The following LNPEP variants were observed in gnomAD, a reference collection of about 807,000 sequenced individuals.
LNPEP encodes the protein leucyl-cystinyl aminopeptidase.
A neutral mutation model predicts 120.6 loss-of-function variants in LNPEP; 64 were observed. That is an observed-to-expected ratio of 0.53 (90% confidence interval 0.43 to 0.65). The LOEUF (loss-of-function observed/expected upper bound fraction) is 0.65, where lower values mean the gene tolerates loss of function less well. Ranked by LOEUF, LNPEP falls within the 30% of genes least tolerant of loss-of-function variation. The probability of loss-of-function intolerance (pLI) is 0.00; values close to 1 mark genes in which losing one functional copy is unlikely to be tolerated. For synonymous variants in LNPEP, 435 were observed against 425.4 expected (o/e 1.02, Z -0.28); for missense variants, 1,057 against 1,200.0 (o/e 0.88, Z 1.76).
intron 1 of LNPEP, among the ~76,000 whole-genome samples, chr5:96,961,722 AC>A (rs1789612591): frequency 6.6e-6 from 1 of 152,122 alleles, no homozygotes; most frequent in African/African-American, 2.4e-5. Context: ...CATCCCATTT[AC>A]TTTAAATTAT....
At chr5:96,941,152 A>C (rs1381580705) in intron 1 of LNPEP, among the ~76,000 whole-genome samples, 1 of 152,212 alleles carries the variant, frequency 6.6e-6, no homozygotes, top group Non-Finnish European at 1.5e-5. Context: ...AAAGGAGCAC[A>C]CAACCTAGAT....
intron 14 of LNPEP, among the ~76,000 whole-genome samples, chr5:97,023,101 T>TCTA (rs1430616502): frequency 6.6e-6 from 1 of 152,076 alleles, no homozygotes; most frequent in African/African-American, 2.4e-5. Context: ...TAACCACTAT[T>TCTA]CTACTTCCTG....
chr5:96,960,976 G>T (rs1789593025), intron 1 of LNPEP, among the ~76,000 whole-genome samples: 1 of 151,856 alleles, frequency 6.6e-6, no homozygotes, highest in African/African-American at 2.4e-5. Context: ...GTTCTCTAAT[G>T]ATTTTTGTTG....
intron 1 of LNPEP, among the ~76,000 whole-genome samples, chr5:96,945,282 C>T (rs1012390653): frequency 6.6e-6 from 1 of 151,478 alleles, no homozygotes; most frequent in Non-Finnish European, 1.5e-5. Flanking sequence ...TGATGGTATG[C>T]ACCTGTGGTC....
intron 1 of LNPEP, among the ~76,000 whole-genome samples, chr5:96,950,866 T>A (rs1450546784): frequency 6.6e-6 from 1 of 152,216 alleles, no homozygotes; most frequent in Non-Finnish European, 1.5e-5. Context: ...TTAGTATATT[T>A]ATAGAGTAAT....
At position 96,951,265 on chromosome 5, in the gene LNPEP, C is replaced by T. The variant is rs11135485; in HGVS notation, c.19+15091C>T. ...GTTAGTGCTTTTTTTCTTTTTTTGG[C>T]GGGGGGCGCGGGGGACAGAGTCTTG... On this transcript the variant is annotated intron_variant, in intron 1 of 17. Coordinates refer to ENST00000231368, the MANE Select transcript of LNPEP (RefSeq NM_005575.3). Among the ~76,000 whole-genome samples, 7 of 149,158 alleles carry T rather than the reference C, an allele frequency of 4.7e-5. 1 individual carries two copies.
intron 1 of LNPEP, among the ~76,000 whole-genome samples, chr5:96,939,522 T>C (rs977991501): frequency 1.3e-5 from 2 of 152,128 alleles, no homozygotes; most frequent in Non-Finnish European, 2.9e-5. Flanking sequence ...TATATATACT[T>C]TCTAGTTTGT....
chr5:96,976,747 A>C (rs1311031426), intron 1 of LNPEP, among the ~76,000 whole-genome samples: 2 of 151,284 alleles, frequency 1.3e-5, no homozygotes, highest in Non-Finnish European at 2.9e-5. Flanking sequence ...GACATTTTTA[A>C]ATTAAAAAAA....
intron 4 of LNPEP, among the ~76,000 whole-genome samples, chr5:96,988,339 CTT>C (rs201343272): frequency 2.9e-4 from 36 of 125,182 alleles, no homozygotes; most frequent in African/African-American, 6.5e-4. Flanking sequence ...TTTTTCTTTT[CTT>C]TTTTTTTTTT....
chr5:96,994,501 T>C (rs947027072), intron 6 of LNPEP, among the ~76,000 whole-genome samples: 1 of 151,542 alleles, frequency 6.6e-6, no homozygotes, highest in African/African-American at 2.4e-5. Flanking sequence ...CGGAATGGGG[T>C]TCTCTGTTAA....
intron 1 of LNPEP, among the ~76,000 whole-genome samples, chr5:96,961,313 T>C (rs892331022): frequency 6.6e-6 from 1 of 152,194 alleles, no homozygotes; most frequent in African/African-American, 2.4e-5. Context: ...TAAACTTAGC[T>C]GAGCAGTTCT....
intron 1 of LNPEP, among the ~76,000 whole-genome samples, chr5:96,970,610 A>G (rs1489518405): frequency 6.6e-6 from 1 of 151,152 alleles, no homozygotes; most frequent in Non-Finnish European, 1.5e-5. Flanking sequence ...TCCTTTATTC[A>G]TTTTTTTTGG....
At chr5:96,937,840 A>G (rs1469046004) in intron 1 of LNPEP, 1 of 152,224 alleles carries the variant, frequency 6.6e-6, no homozygotes, top group African/African-American at 2.4e-5. Context: ...AAACTGTCAC[A>G]TTTGGGAGGA....
intron 9 of LNPEP, among the ~76,000 whole-genome samples, chr5:97,004,356 T>TA (rs1282846494): frequency 6.6e-6 from 1 of 151,964 alleles, no homozygotes; most frequent in African/African-American, 2.4e-5. Context: ...CCACTAAAAA[T>TA]ACAAAAATTA....
At chr5:96,993,650 G>A (rs1038475375) in intron 5 of LNPEP, among the ~76,000 whole-genome samples, 167 bp from the exon 6 acceptor site, 1 of 152,196 alleles carries the variant, frequency 6.6e-6, no homozygotes, top group Non-Finnish European at 1.5e-5. Flanking sequence ...TTCCTCAGCT[G>A]ACATGTGGGT....
At chr5:96,944,108 A>G (rs989592715) in intron 1 of LNPEP, among the ~76,000 whole-genome samples, 2 of 152,248 alleles carry the variant, frequency 1.3e-5, no homozygotes, top group Non-Finnish European at 2.9e-5. Context: ...CAACTGACTC[A>G]GGTGTCATTC....
rs1478214212 is a variant in LNPEP at position 97,036,256 on chromosome 5, A to G, written c.*7723A>G. 1 of 151,666 alleles carries G rather than the reference A, an allele frequency of 6.6e-6. No individual in the cohort carries two copies. 9.4% of individuals were successfully genotyped at this position (151,666 alleles called of 1,614,324 possible). A position where few individuals can be genotyped will look rare whatever the true frequency, so the allele number is the denominator to read the frequency against. ...AAACTAAATCCAAAAGGAATTTTCT[A>G]TCTTTCATCCCCCACATGTGGCAAG... is the stretch of plus-strand genomic sequence containing the variant. On this transcript the variant is annotated 3_prime_UTR_variant, in exon 18 of 18. Transcript: ENST00000231368.
rs191842225 is a variant in LNPEP at position 96,938,831 on chromosome 5, G to T, written c.19+2657G>T. Among the ~76,000 whole-genome samples, 6 of 152,298 alleles carry T rather than the reference G, an allele frequency of 3.9e-5. No individual in the cohort carries two copies. The East Asian group carries it at 1.2e-3, about 29-fold the overall frequency. The stretch of plus-strand genomic sequence containing the variant: ...TGGGAGGGATTGCTATTATGTTGAA[G>T]TCTGGACATCTGGTCTGGGTTTGGA... On this transcript the variant is annotated intron_variant, in intron 1 of 17. Transcript: ENST00000231368.
In LNPEP at chr5:97,031,083, T is replaced by C. The variant is rs1016236983; in HGVS notation, c.*2550T>C. On this transcript the variant is annotated 3_prime_UTR_variant, in exon 18 of 18. Coordinates refer to ENST00000231368, the MANE Select transcript of LNPEP (RefSeq NM_005575.3). ...CAGAAGTCACAGTATGCTTCTTTTA[T>C]TTAAGCACACAGATTCATGACACAA... The C allele has an allele frequency of 1.3e-5, 2 of 151,898 alleles. No homozygotes were observed. The highest frequency in any genetic ancestry group is 2.9e-5 in the Non-Finnish European group (2 of 67,984). 9.4% of individuals were successfully genotyped at this position (151,898 alleles called of 1,614,324 possible).
Sources: gnomAD v4.1 joint callset for allele counts (sites outside exome capture counted in the v4.1 genomes callset) on GRCh38, gnomAD v4.1.1 for gene constraint, MANE v1.5 for transcripts, NCBI Gene and HGNC (gene_info 2026-07-23, HGNC 2026-07-21) for gene names.